Variants in PLOD2 observed in about 807,000 individuals in gnomAD.
PLOD2 encodes the protein lysine hydroxylase 2.
PLOD2 carries 65 observed loss-of-function variants against 101.0 expected under a neutral mutation model. That is an observed-to-expected ratio of 0.64 (90% CI 0.53 to 0.79). The LOEUF (loss-of-function observed/expected upper bound fraction) is 0.79, where lower values mean the gene tolerates loss of function less well. Among genes scored for constraint, PLOD2 ranks in the 30% least tolerant of loss-of-function variants. The probability of loss-of-function intolerance (pLI) is 0.00; values close to 1 mark genes in which losing one functional copy is unlikely to be tolerated. For missense variants in PLOD2, 909 were observed against 914.6 expected (o/e 0.99, Z 0.08); for synonymous variants, 314 against 302.9 (o/e 1.04, Z -0.38).
At chr3:146,131,664 T>C (rs2030918607) in intron 1 of PLOD2, among the ~76,000 whole-genome samples, 1 of 152,172 alleles carries the variant, frequency 6.6e-6, no homozygotes, top group Admixed American at 6.5e-5. Flanking sequence ...ACAAGACTTA[T>C]CCAGGATCCT....
rs74931964 is a variant in PLOD2 at position 146,101,014 on chromosome 3, G to C, written c.777+1741C>G. On this transcript the variant is annotated intron_variant, in intron 7 of 19. Transcript: ENST00000282903. ...ATAAAACCAGCATGCACAGGAGTTA[G>C]AACAGAGGGCTTTTGGAGTGGGAAG... Among the ~76,000 whole-genome samples, 428 of 152,270 alleles carry C rather than the reference G, an allele frequency of 2.8e-3. 2 individuals carry two copies. The highest frequency in any genetic ancestry group is 9.8e-3 in the African/African-American group (409 of 41,560).
intron 7 of PLOD2, among the ~76,000 whole-genome samples, chr3:146,093,546 G>T (rs1937050277): frequency 6.6e-6 from 1 of 152,154 alleles, no homozygotes; most frequent in Non-Finnish European, 1.5e-5. Context: ...AAATATCTAT[G>T]TGGAAATGTA....
chr3:146,123,362 G>A, intron 2 of PLOD2: 1 of 694,838 alleles, frequency 1.4e-6, no homozygotes, highest in South Asian at 2.2e-5. Flanking sequence ...AAAATGGCAG[G>A]CCTCTCATAG....
Position 146,070,588 on chromosome 3 carries a change from G to T in PLOD2, c.*129C>A. 1 of 602,642 alleles carries T rather than the reference G, an allele frequency of 1.7e-6. No individual in the cohort carries two copies. Among genetic ancestry groups the T allele is most frequent in the Non-Finnish European group, 2.9e-6 (1 of 344,500 alleles). The allele number at this position is 602,642 out of a possible 1,614,324, so 37.3% of individuals were successfully genotyped here. A position where few individuals can be genotyped will look rare whatever the true frequency, so the allele number is the denominator to read the frequency against. On this transcript the variant is annotated 3_prime_UTR_variant, in exon 20 of 20. Coordinates refer to ENST00000282903, the MANE Select transcript of PLOD2 (RefSeq NM_182943.3). Reference sequence around the variant, plus strand: ...TTATAAAAAGTTTTTCAAATGTTTGGCCCAAAGTGAAGTTGTTCTGTTGAT... The same window carrying T: ...TTATAAAAAGTTTTTCAAATGTTTGTCCCAAAGTGAAGTTGTTCTGTTGAT...
At chr3:146,106,481 C>T in intron 5 of PLOD2, 51 bp downstream of exon 5, 2 of 852,422 alleles carry the variant, frequency 2.3e-6, no homozygotes, top group South Asian at 1.3e-5. Context: ...CACAATATAA[C>T]ACACAAAACA....
intron 3 of PLOD2, among the ~76,000 whole-genome samples, chr3:146,114,728 C>T (rs1937820038): frequency 6.6e-6 from 1 of 152,084 alleles, no homozygotes; most frequent in Non-Finnish European, 1.5e-5. Flanking sequence ...GGAGAACGTG[C>T]TCCACCAAAT....
chr3:146,144,881 A>T (rs1318241534), intron 1 of PLOD2, among the ~76,000 whole-genome samples: 2 of 152,130 alleles, frequency 1.3e-5, no homozygotes, highest in African/African-American at 4.8e-5. Flanking sequence ...ACAGTGTTTT[A>T]CATTGTTTAC....
At chr3:146,125,388 G>C (rs1390484783) in intron 1 of PLOD2, among the ~76,000 whole-genome samples, 1 of 113,492 alleles carries the variant, frequency 8.8e-6, no homozygotes, top group Non-Finnish European at 1.9e-5. Context: ...ACATTCAATA[G>C]TCAACCAAAA....
intron 15 of PLOD2, among the ~76,000 whole-genome samples, chr3:146,074,710 TA>T (rs3840208): frequency 0.52 from 77,447 of 148,688 alleles, 20,050 homozygotes; most frequent in East Asian, 0.57. Context: ...CAAGTTAAAG[TA>T]AAAAAAAAAA....
chr3:146,079,058 C>A, intron 13 of PLOD2, 58 bp downstream of exon 13: 1 of 1,550,446 alleles, frequency 6.4e-7, no homozygotes, highest in Non-Finnish European at 8.9e-7. Flanking sequence ...GACACACCAA[C>A]TGGTAAAGCA....
chr3:146,079,059 T>A, intron 13 of PLOD2, 57 bp downstream of exon 13: 1 of 1,555,816 alleles, frequency 6.4e-7, no homozygotes, highest in Non-Finnish European at 8.9e-7. Flanking sequence ...ACACACCAAC[T>A]GGTAAAGCAA....
At chr3:146,092,314 C>T (rs1482629483) in intron 7 of PLOD2, among the ~76,000 whole-genome samples, 1 of 152,006 alleles carries the variant, frequency 6.6e-6, no homozygotes, top group Non-Finnish European at 1.5e-5. Flanking sequence ...TGAGCACAGA[C>T]ACCTACAGTA....
At chr3:146,076,970 A>G in intron 14 of PLOD2, 75 bp from the exon 15 acceptor site, 1 of 1,279,994 alleles carries the variant, frequency 7.8e-7, no homozygotes, top group Non-Finnish European at 1.1e-6. Context: ...AAAAATATAT[A>G]GAAGATATTA....
At chr3:146,085,431 T>C in intron 10 of PLOD2, 158 bp from the exon 11 acceptor site, 1 of 603,682 alleles carries the variant, frequency 1.7e-6, no homozygotes, top group Non-Finnish European at 3.0e-6. Context: ...ATATATATTG[T>C]CTTAAATTTC....
chr3:146,159,824 T>C (rs2032484171), intron 1 of PLOD2, among the ~76,000 whole-genome samples: 1 of 152,192 alleles, frequency 6.6e-6, no homozygotes, highest in Admixed American at 6.5e-5. Flanking sequence ...TGTAGAAAGA[T>C]AGGCAGTTCA....
chr3:146,132,616 C>A (rs966675467), intron 1 of PLOD2, among the ~76,000 whole-genome samples: 1 of 151,838 alleles, frequency 6.6e-6, no homozygotes, highest in Non-Finnish European at 1.5e-5. Context: ...TCCTGATCAT[C>A]CCTTTGGATA....
At chr3:146,135,126 T>C (rs554897732) in intron 1 of PLOD2, among the ~76,000 whole-genome samples, 1 of 152,302 alleles carries the variant, frequency 6.6e-6, no homozygotes, top group Non-Finnish European at 1.5e-5. Flanking sequence ...TATCTTCCAT[T>C]GCATCTACCT....
intron 7 of PLOD2, among the ~76,000 whole-genome samples, chr3:146,096,712 G>A (rs2108040939): frequency 6.7e-6 from 1 of 148,182 alleles, no homozygotes; most frequent in South Asian, 2.2e-4. Flanking sequence ...GGGAAGTGAG[G>A]AGCGTCTCCG....
chr3:146,122,862 A>G (rs960781224), intron 2 of PLOD2, among the ~76,000 whole-genome samples: 3 of 152,180 alleles, frequency 2.0e-5, no homozygotes, highest in African/African-American at 7.2e-5. Flanking sequence ...CTTGCACATA[A>G]GAAACATTCT....
Sources: allele counts gnomAD v4.1 joint callset (sites outside exome capture counted in the v4.1 genomes callset), GRCh38; gene constraint gnomAD v4.1.1; transcripts MANE v1.5; gene names NCBI Gene and HGNC (gene_info 2026-07-23, HGNC 2026-07-21).